The following SLC20A1 variants were observed in gnomAD, a reference collection of about 807,000 sequenced individuals.
The protein encoded by SLC20A1 is solute carrier family 20 member 1.
In SLC20A1, 28 loss-of-function variants were observed where a neutral mutation model predicts 62.7. That is an observed-to-expected ratio of 0.45 (90% CI 0.33 to 0.61). The LOEUF (loss-of-function observed/expected upper bound fraction) is 0.61. SLC20A1 is among the 20% of genes least tolerant of loss of function. The pLI is 0.02. For synonymous variants in SLC20A1, 305 were observed against 302.9 expected, an observed-to-expected ratio of 1.01 and a Z score of -0.07; for missense variants, 673 against 838.6, an observed-to-expected ratio of 0.80 and a Z score of 2.44.
intron 5 of SLC20A1, among the ~76,000 whole-genome samples, chr2:112,654,895 C>CAAG (rs1553423187): frequency 4.5e-5 from 5 of 112,306 alleles, no homozygotes; most frequent in African/African-American, 1.7e-4. Context: ...GATGCTGTCT[C>CAAG]AAAAAAAAAA....
In SLC20A1 at chr2:112,659,387, C is replaced by T. The variant is rs1246376084; in HGVS notation, c.1232C>T (p.Pro411Leu). 7 of 1,614,024 alleles carry T rather than the reference C, an allele frequency of 4.3e-6. No individual in the cohort carries two copies. Among genetic ancestry groups the T allele is most frequent in the Non-Finnish European group, 2.5e-6 (3 of 1,180,040 alleles). Residue 411 changes from proline to leucine, a missense_variant, in exon 8 of 11, where the codon CCC becomes CTC. Physicochemically the swap from Pro to Leu is moderately conservative, Grantham distance 98. Transcript: ENST00000272542. ...TGCATGGGAGACTCCGGTGACAAAC[C>T]CTTAAGGCGCAATAATAGCTATACT... ...GDCMGDSGDK[P>L]LRRNNSYTSY...
At chr2:112,651,378 C>T (rs1558691098) in intron 4 of SLC20A1, among the ~76,000 whole-genome samples, 1 of 151,946 alleles carries the variant, frequency 6.6e-6, no homozygotes, top group Non-Finnish European at 1.5e-5. Context: ...TTAGCCTTCC[C>T]ATATATGTAT....
At chr2:112,652,320 A>G (rs1686464064) in intron 4 of SLC20A1, 3 of 193,050 alleles carry the variant, frequency 1.6e-5, no homozygotes, top group Admixed American at 1.1e-4. Context: ...CAGGTAAGCA[A>G]CATCCTAACA....
At chr2:112,656,717 G>A (rs1388171801) in intron 5 of SLC20A1, among the ~76,000 whole-genome samples, 1 of 141,166 alleles carries the variant, frequency 7.1e-6, no homozygotes, top group African/African-American at 2.6e-5. Context: ...ATTAAAATAA[G>A]TTTGTAGGTG....
Position 112,647,537 on chromosome 2 carries a change from A to T in SLC20A1, c.475+73A>T, listed in dbSNP as rs114972029. On this transcript the variant is annotated intron_variant, in intron 3 of 10. Transcript: ENST00000272542. Reference sequence around the variant, plus strand: ...TTACCATGGCATTAGGTATGGGAGGATGTGTTCTAACGTCGAGGGACAGAC... The same window carrying T: ...TTACCATGGCATTAGGTATGGGAGGTTGTGTTCTAACGTCGAGGGACAGAC... 23 of 1,586,740 alleles carry T rather than the reference A, an allele frequency of 1.4e-5. No individual in the cohort carries two copies. In the African/African-American group the frequency reaches 3.1e-4, roughly 21 times the overall value.
rs751487630 is a variant in SLC20A1, at chr2:112,659,310, C to T, written c.1155C>T (p.Ser385=). The stretch of plus-strand genomic sequence containing the variant: ...AGTATCACACCGTGCATAAGGATTC[C>T]GGCCTGTACAAAGAGCTACTCCATA... ...HYQYHTVHKD[S]GLYKELLHKL... Residue 385 remains serine (S), a synonymous_variant, in exon 8 of 11, where the codon TCC becomes TCT. Coordinates refer to ENST00000272542, the MANE Select transcript of SLC20A1 (RefSeq NM_005415.5). 54 of 1,614,130 alleles carry T rather than the reference C, an allele frequency of 3.3e-5. No homozygotes were observed. In the East Asian group the frequency reaches 6.5e-4, roughly 19 times the overall value.
At chr2:112,653,455 A>G (rs1359456980) in intron 5 of SLC20A1, 2 of 164,140 alleles carry the variant, frequency 1.2e-5, no homozygotes, top group African/African-American at 4.8e-5. Flanking sequence ...TGTAACTGGC[A>G]GGACAGTACA....
chr2:112,659,414 C>T lies in SLC20A1; in HGVS notation c.1259C>T (p.Ser420Phe). The T allele has an allele frequency of 6.2e-7, 1 of 1,614,170 alleles. No homozygotes were observed. Among genetic ancestry groups the T allele is most frequent in the South Asian group, 1.1e-5 (1 of 91,088 alleles). ...KPLRRNNSYT[S>F]YTMAICGMPL... ...TTAAGGCGCAATAATAGCTATACTT[C>T]CTATACCATGGCAATATGTGGCATG... Residue 420 changes from serine (S) to phenylalanine (F), a missense_variant, in exon 8 of 11, where the codon TCC becomes TTC. Transcript: ENST00000272542.
intron 5 of SLC20A1, among the ~76,000 whole-genome samples, chr2:112,656,304 C>T (rs1686584151): frequency 1.3e-5 from 2 of 149,384 alleles, no homozygotes; most frequent in Non-Finnish European, 3.0e-5. Context: ...TCAAGTGATT[C>T]TCCCACCTCA....
In SLC20A1 at chr2:112,660,367, G is replaced by T; in HGVS notation, c.1608-20G>T. Reference sequence around the variant, plus strand: ...TAGTTCTGCCTGAAAAGTCACTTCTGCCCTCTTTGTTTCTTCCAGCAATGC... The same window carrying T: ...TAGTTCTGCCTGAAAAGTCACTTCTTCCCTCTTTGTTTCTTCCAGCAATGC... On this transcript the variant is annotated intron_variant, in intron 8 of 10. Coordinates refer to ENST00000272542, the MANE Select transcript of SLC20A1 (RefSeq NM_005415.5). 1.9e-6 allele frequency: 3 copies of T among 1,610,454 alleles called. No individual in the cohort carries two copies. Among genetic ancestry groups the T allele is most frequent in the Non-Finnish European group, 1.7e-6 (2 of 1,177,726 alleles).
chr2:112,658,437 A>T (rs1415120032), intron 6 of SLC20A1: 2 of 164,950 alleles, frequency 1.2e-5, no homozygotes, highest in Non-Finnish European at 2.6e-5. Context: ...TACAGTTCAG[A>T]TTTTTAGTTT....
intron 5 of SLC20A1, among the ~76,000 whole-genome samples, chr2:112,654,088 G>A (rs971989128): frequency 3.3e-5 from 5 of 152,088 alleles, no homozygotes; most frequent in South Asian, 2.1e-4. Flanking sequence ...ACCGCACCTC[G>A]CCAATATTTT....
Position 112,646,867 on chromosome 2 carries a change from C to A in SLC20A1, c.39C>A (p.Ala13=), listed in dbSNP as rs776102368. The change falls in exon 2 of 11, where the codon GCC becomes GCA. Residue 13 remains alanine (A), a synonymous_variant. Coordinates refer to ENST00000272542, the MANE Select transcript of SLC20A1 (RefSeq NM_005415.5). ...TLITSTTAAT[A]ASGPLVDYLW... ...TTACCAGTACTACAGCTGCTACCGC[C>A]GCTTCTGGTCCTTTGGTGGACTACC... 2 of 1,613,260 alleles carry A rather than the reference C, an allele frequency of 1.2e-6. No individual in the cohort carries two copies. The highest frequency in any genetic ancestry group is 1.3e-5 in the African/African-American group (1 of 74,850).
At chr2:112,647,815 A>G in intron 4 of SLC20A1, 77 bp downstream of exon 4, 1 of 1,176,002 alleles carries the variant, frequency 8.5e-7, no homozygotes, top group African/African-American at 1.5e-5. Flanking sequence ...ACTTTTGCAG[A>G]TGTGATTGGT....
In SLC20A1 at chr2:112,662,985, C is replaced by T. The variant is rs891144402; in HGVS notation, c.2000C>T (p.Ala667Val). The T allele has an allele frequency of 3.7e-6, 6 of 1,614,162 alleles. No individual in the cohort carries two copies. The highest frequency in any genetic ancestry group is 3.4e-6 in the Non-Finnish European group (4 of 1,180,022). ...CCCATTTCTGGAGTTATCAGTGCTG[C>T]CATCATGGCAATCTTCAGATATGTC... ...TVPISGVISA[A>V]IMAIFRYVIL... The change falls in exon 11 of 11, where the codon GCC becomes GTC. Residue 667 changes from alanine to valine, a missense_variant. Ala to Val is a moderately conservative substitution (Grantham distance 64). Transcript: ENST00000272542.
At position 112,652,756 on chromosome 2, in the gene SLC20A1, G is replaced by C. The variant is rs773074656; in HGVS notation, c.616G>C (p.Val206Leu). Reference sequence around the variant, plus strand: ...TTTGCCAGTTTTCTATGCCTGCACAGTTGGAATAAACCTCTTTTCCATCAT... The same window carrying C: ...TTTGCCAGTTTTCTATGCCTGCACACTTGGAATAAACCTCTTTTCCATCAT... ...RALPVFYACT[V>L]GINLFSIMYT... The change falls in exon 5 of 11, where the codon GTT becomes CTT. Residue 206 changes from valine to leucine, a missense_variant. Coordinates refer to ENST00000272542, the MANE Select transcript of SLC20A1 (RefSeq NM_005415.5). The C allele has an allele frequency of 5.9e-5, 96 of 1,614,048 alleles. No homozygotes were observed. Among genetic ancestry groups the C allele is most frequent in the Non-Finnish European group, 7.5e-5 (88 of 1,180,028 alleles).
chr2:112,657,588 A>C (rs1686627090), intron 6 of SLC20A1, among the ~76,000 whole-genome samples: 1 of 152,210 alleles, frequency 6.6e-6, no homozygotes. Flanking sequence ...TGAGAAGTAG[A>C]AGGATACCTT....
intron 9 of SLC20A1, chr2:112,660,842 T>A: frequency 2.5e-6 from 1 of 399,074 alleles, no homozygotes; most frequent in Non-Finnish European, 4.3e-6. Flanking sequence ...TATACTTGCC[T>A]TTTATTTGTC....
chr2:112,659,247 A>G lies in SLC20A1; in HGVS notation c.1092A>G (p.Gln364=). 1 of 1,614,180 alleles carries G rather than the reference A, an allele frequency of 6.2e-7. No individual in the cohort carries two copies. The highest frequency in any genetic ancestry group is 1.1e-5 in the South Asian group (1 of 91,086). ...LPNGNLVQFS[Q]AVSNQINSSG... Reference sequence around the variant, plus strand: ...ATGGGAACCTTGTCCAGTTCAGTCAAGCCGTCAGCAACCAAATAAACTCCA... The same window carrying G: ...ATGGGAACCTTGTCCAGTTCAGTCAGGCCGTCAGCAACCAAATAAACTCCA... The change falls in exon 8 of 11, where the codon CAA becomes CAG. Residue 364 remains glutamine, a synonymous_variant. Transcript: ENST00000272542.
Sources: allele counts gnomAD v4.1 joint callset (sites outside exome capture counted in the v4.1 genomes callset), GRCh38; gene constraint gnomAD v4.1.1; transcripts MANE v1.5; gene names NCBI Gene and HGNC (gene_info 2026-07-23, HGNC 2026-07-21).